OCA2: variants seen among roughly 807,000 people sequenced by gnomAD.
The protein encoded by OCA2 is OCA2 melanosomal transmembrane protein, also known as P protein.
A neutral mutation model predicts 100.2 loss-of-function variants in OCA2; 77 were observed. That is an observed-to-expected ratio of 0.77 (90% CI 0.64 to 0.93). The LOEUF (loss-of-function observed/expected upper bound fraction) is 0.93. OCA2 is among the 40% of genes least tolerant of loss of function. The pLI, the probability that OCA2 is intolerant of heterozygous loss-of-function variation, is 0.00. For synonymous variants in OCA2, 432 were observed against 439.2 expected (o/e 0.98, Z 0.21); for missense variants, 1,062 against 1,089.1 (o/e 0.98, Z 0.35).
intron 2 of OCA2, among the ~76,000 whole-genome samples, chr15:28,037,847 C>T (rs917056839): frequency 6.6e-6 from 1 of 152,180 alleles, no homozygotes; most frequent in Admixed American, 6.5e-5. Context: ...CAACACATCC[C>T]AGCCTGAGGA....
intron 9 of OCA2, among the ~76,000 whole-genome samples, chr15:28,014,322 C>T (rs1330832316): frequency 6.6e-6 from 1 of 152,194 alleles, no homozygotes; most frequent in African/African-American, 2.4e-5. Context: ...GTAGACGGAA[C>T]AGATAATCAA....
the OCA2 span, among the ~76,000 whole-genome samples, chr15:27,721,054 C>T: frequency 2.6e-5 from 4 of 152,280 alleles, no homozygotes; most frequent in East Asian, 3.9e-4. Flanking sequence ...TGGCACTGCG[C>T]GGCTACCTTT....
intron 17 of OCA2, among the ~76,000 whole-genome samples, chr15:27,953,246 C>G (rs1259620190): frequency 6.6e-6 from 1 of 152,212 alleles, no homozygotes; most frequent in Non-Finnish European, 1.5e-5. Flanking sequence ...CTTGCTTCCT[C>G]TGGTCACAAA....
At position 28,070,590 on chromosome 15, in the gene OCA2, C is replaced by T. The variant is rs1324344550; in HGVS notation, c.227+11058G>A. On this transcript the variant is annotated intron_variant, in intron 2 of 23. Transcript: ENST00000354638. ...GCCGCCCCGTCTGGGAGGTGAGGGG[C>T]GCCTCTGCCCGGCCGCCCCTACTGG... 3.1e-4 allele frequency among the ~76,000 whole-genome samples: 46 copies of T among 146,510 alleles called. No individual in the cohort carries two copies. The East Asian group carries it at 5.5e-3, about 18-fold the overall frequency.
chr15:27,913,803 CAA>C (rs201957903), intron 19 of OCA2, among the ~76,000 whole-genome samples: 85 of 64,418 alleles, frequency 1.3e-3, no homozygotes, highest in East Asian at 5.6e-3. Context: ...AGAGACACAA[CAA>C]AAAAAAAAAA....
chr15:27,877,593 C>T (rs78662546), intron 19 of OCA2, among the ~76,000 whole-genome samples: 2,395 of 151,994 alleles, frequency 0.016, 57 homozygotes, highest in African/African-American at 0.051. Flanking sequence ...ATTATGTGCA[C>T]TGAAGTTTAT....
At position 27,833,087 on chromosome 15, in the gene OCA2, A is replaced by T. The variant is rs183103703; in HGVS notation, c.2432+11872T>A. Among the ~76,000 whole-genome samples the T allele has an allele frequency of 4.6e-5, 7 of 152,314 alleles. No individual in the cohort carries two copies. The East Asian group carries it at 7.7e-4, about 17-fold the overall frequency. On this transcript the variant is annotated intron_variant, in intron 23 of 23. Transcript: ENST00000354638. Reference sequence around the variant, plus strand: ...CGCCTCAGCCTCCCAAAGTTTTGGGACTACAGGCATGAGCCATCATACCCA... The same window carrying T: ...CGCCTCAGCCTCCCAAAGTTTTGGGTCTACAGGCATGAGCCATCATACCCA...
At position 27,778,317 on chromosome 15, in the gene OCA2, T is replaced by C. The variant is rs141786341; in HGVS notation, c.2433-22845A>G. Among the ~76,000 whole-genome samples, 182 of 152,364 alleles carry C rather than the reference T, an allele frequency of 1.2e-3. 3 individuals are homozygous for C. Among genetic ancestry groups the C allele is most frequent in the Admixed American group, 0.012 (182 of 15,310 alleles). On this transcript the variant is annotated intron_variant, in intron 23 of 23. Coordinates refer to ENST00000354638, the MANE Select transcript of OCA2 (RefSeq NM_000275.3). ...TCTCGCTAGGCAGCATTCATTCTTC[T>C]GTTTCTAAAACGAGCTCATACGCAC...
intron 1 of OCA2, among the ~76,000 whole-genome samples, chr15:28,088,078 A>G (rs1566884976): frequency 6.6e-6 from 1 of 152,082 alleles, no homozygotes; most frequent in African/African-American, 2.4e-5. Context: ...AAAAAAAAAA[A>G]GGTAAGTCCA....
At chr15:28,074,787 C>A (rs2044380434) in intron 2 of OCA2, among the ~76,000 whole-genome samples, 1 of 151,798 alleles carries the variant, frequency 6.6e-6, no homozygotes, top group African/African-American at 2.4e-5. Context: ...GCAGAGGTTG[C>A]AGTAAGCCGA....
At chr15:27,869,270 C>A (rs2036448688) in intron 21 of OCA2, among the ~76,000 whole-genome samples, 2 of 152,216 alleles carry the variant, frequency 1.3e-5, no homozygotes, top group Admixed American at 1.3e-4. Context: ...TCAGCACCCC[C>A]ACAGCGGCCA....
At chr15:27,741,022 A>G in the OCA2 span, among the ~76,000 whole-genome samples, 1 of 152,210 alleles carries the variant, frequency 6.6e-6, no homozygotes, top group African/African-American at 2.4e-5. Context: ...GCATTTCCAG[A>G]GCTGTGGATA....
chr15:28,012,584 A>T (rs1019446923), intron 9 of OCA2, among the ~76,000 whole-genome samples: 2 of 145,232 alleles, frequency 1.4e-5, no homozygotes, highest in Non-Finnish European at 3.0e-5. Context: ...TAGCCGTAAT[A>T]AAAAAAAAAT....
At chr15:27,719,359 A>G in the OCA2 span, among the ~76,000 whole-genome samples, 49 of 151,712 alleles carry the variant, frequency 3.2e-4, no homozygotes, top group African/African-American at 1.1e-3. Context: ...TTTAATTAGG[A>G]CTCTACACTT....
At chr15:28,012,668 A>C (rs561956896) in intron 9 of OCA2, among the ~76,000 whole-genome samples, 1 of 152,332 alleles carries the variant, frequency 6.6e-6, no homozygotes, top group African/African-American at 2.4e-5. Context: ...ATGACAAATA[A>C]TACTAACCAT....
the OCA2 span, among the ~76,000 whole-genome samples, chr15:27,748,956 A>G: frequency 1.7e-4 from 25 of 149,402 alleles, 1 homozygote; most frequent in Admixed American, 9.8e-4. Flanking sequence ...GAGAGAAAAT[A>G]CTGAAAAAAA....
intron 23 of OCA2, among the ~76,000 whole-genome samples, chr15:27,803,821 A>G (rs1417207587): frequency 2.0e-5 from 3 of 152,234 alleles, no homozygotes; most frequent in Non-Finnish European, 2.9e-5. Flanking sequence ...ATAAGACACA[A>G]TAACACATGT....
intron 19 of OCA2, among the ~76,000 whole-genome samples, chr15:27,882,448 C>T (rs192056513): frequency 1.9e-3 from 292 of 152,302 alleles, no homozygotes; most frequent in Non-Finnish European, 3.2e-3. Flanking sequence ...CCCAACCTTT[C>T]ATTCATTTCA....
At chr15:27,832,457 C>A (rs911506727) in intron 23 of OCA2, among the ~76,000 whole-genome samples, 1 of 152,252 alleles carries the variant, frequency 6.6e-6, no homozygotes, top group African/African-American at 2.4e-5. Flanking sequence ...TCTCCCTCCC[C>A]CGGGTGCCTT....
Sources: gnomAD v4.1 joint callset for allele counts (sites outside exome capture counted in the v4.1 genomes callset) on GRCh38, gnomAD v4.1.1 for gene constraint, MANE v1.5 for transcripts, NCBI Gene and HGNC (gene_info 2026-07-23, HGNC 2026-07-21) for gene names.